Variants in HECW2 observed in about 807,000 individuals in gnomAD.
HECW2 encodes the protein HECT, C2 and WW domain containing E3 ubiquitin protein ligase 2.
Under a neutral mutation model 175.2 loss-of-function variants are expected in HECW2, and 61 were observed. The ratio of observed to expected loss-of-function variants is 0.35; its 90% CI spans 0.28 to 0.43. HECW2 has a LOEUF of 0.43. Among genes scored for constraint, HECW2 ranks in the 20% least tolerant of loss-of-function variants. HECW2 has a pLI of 1.00. For synonymous variants in HECW2, 671 were observed against 731.0 expected (o/e 0.92, Z 1.32); for missense variants, 1,524 against 2,000.5 (o/e 0.76, Z 4.54).
chr2:196,519,523 T>C (rs1688270283), intron 1 of HECW2, among the ~76,000 whole-genome samples: 1 of 152,170 alleles, frequency 6.6e-6, no homozygotes, highest in South Asian at 2.1e-4. Flanking sequence ...ACTGCTTAAA[T>C]AAAAGTAATG....
At chr2:196,515,489 G>A (rs1426487436) in intron 1 of HECW2, among the ~76,000 whole-genome samples, 1 of 152,138 alleles carries the variant, frequency 6.6e-6, no homozygotes, top group Admixed American at 6.5e-5. Flanking sequence ...TTGGCTTGGC[G>A]AGCACATCAC....
chr2:196,292,236 T>C (rs1169423824), intron 14 of HECW2: 1 of 213,122 alleles, frequency 4.7e-6, no homozygotes, highest in Non-Finnish European at 9.3e-6. Context: ...ACACAAGCTG[T>C]ATCACTAGGG....
chr2:196,255,940 G>A (rs920770162), intron 18 of HECW2, among the ~76,000 whole-genome samples: 2 of 152,064 alleles, frequency 1.3e-5, no homozygotes, highest in Non-Finnish European at 2.9e-5. Flanking sequence ...GGGCGTGGTG[G>A]CTTGCACCTG....
At chr2:196,248,708 T>A (rs1268145740) in intron 19 of HECW2, among the ~76,000 whole-genome samples, 1 of 132,540 alleles carries the variant, frequency 7.5e-6, no homozygotes, top group East Asian at 2.3e-4. Flanking sequence ...AGGAACTGTT[T>A]GTGAAAAGAG....
intron 1 of HECW2, among the ~76,000 whole-genome samples, chr2:196,556,913 G>C (rs1000203196): frequency 6.6e-6 from 1 of 152,168 alleles, no homozygotes; most frequent in African/African-American, 2.4e-5. Flanking sequence ...TCCTGATTAA[G>C]AGTTGATAGC....
At chr2:196,329,898 A>G (rs1417704654) in intron 4 of HECW2, among the ~76,000 whole-genome samples, 2 of 152,212 alleles carry the variant, frequency 1.3e-5, no homozygotes, top group African/African-American at 4.8e-5. Flanking sequence ...TATGAATCAA[A>G]CTATGTCTTT....
chr2:196,285,027 C>T (rs552401932), intron 14 of HECW2, among the ~76,000 whole-genome samples: 33 of 152,280 alleles, frequency 2.2e-4, no homozygotes, highest in Admixed American at 1.8e-3. Flanking sequence ...TACACAAACT[C>T]GAATCTCATT....
At chr2:196,286,281 G>C (rs1051221663) in intron 14 of HECW2, among the ~76,000 whole-genome samples, 13 of 152,132 alleles carry the variant, frequency 8.5e-5, no homozygotes, top group African/African-American at 3.1e-4. Flanking sequence ...CTGTGGAAGA[G>C]TGGGAATAAA....
intron 2 of HECW2, among the ~76,000 whole-genome samples, chr2:196,356,995 C>T (rs565092512): frequency 1.1e-4 from 16 of 152,252 alleles, no homozygotes; most frequent in African/African-American, 3.6e-4. Context: ...CAACACTACA[C>T]CTTACTGTCT....
At chr2:196,572,130 G>C (rs2125515675) in intron 1 of HECW2, among the ~76,000 whole-genome samples, 1 of 152,174 alleles carries the variant, frequency 6.6e-6, no homozygotes, top group East Asian at 1.9e-4. Context: ...GCCAAGGACT[G>C]ATGGAAGAGG....
At chr2:196,306,295 T>C (rs1182681852) in intron 13 of HECW2, among the ~76,000 whole-genome samples, 193 bp downstream of exon 13, 1 of 152,214 alleles carries the variant, frequency 6.6e-6, no homozygotes, top group Admixed American at 6.5e-5. Flanking sequence ...TGCTTTGTTA[T>C]AGCAGCCCAA....
At chr2:196,489,281 G>A (rs1446560837) in intron 1 of HECW2, among the ~76,000 whole-genome samples, 1 of 152,114 alleles carries the variant, frequency 6.6e-6, no homozygotes, top group Non-Finnish European at 1.5e-5. Context: ...GTTTTTCAAG[G>A]ACTGAAAGAG....
chr2:196,494,796 G>A (rs899134063), intron 1 of HECW2, among the ~76,000 whole-genome samples: 1 of 152,186 alleles, frequency 6.6e-6, no homozygotes, highest in African/African-American at 2.4e-5. Context: ...TTTATTGCCA[G>A]CTTCCCAGAC....
chr2:196,269,802 G>A (rs1165933802), intron 17 of HECW2, among the ~76,000 whole-genome samples: 1 of 152,158 alleles, frequency 6.6e-6, no homozygotes, highest in Non-Finnish European at 1.5e-5. Context: ...CATGACTCAT[G>A]ATCAAAATAG....
intron 1 of HECW2, among the ~76,000 whole-genome samples, chr2:196,451,259 C>A (rs1482738658): frequency 3.3e-5 from 5 of 151,720 alleles, no homozygotes; most frequent in African/African-American, 1.2e-4. Flanking sequence ...CATGGTGAAA[C>A]CCCGTCTCTA....
At chr2:196,544,626 AAAT>A (rs1163099220) in intron 1 of HECW2, among the ~76,000 whole-genome samples, 1 of 152,216 alleles carries the variant, frequency 6.6e-6, no homozygotes, top group African/African-American at 2.4e-5. Flanking sequence ...GGAATGGGAT[AAAT>A]AATGGTGCTA....
At chr2:196,292,345 A>G in intron 14 of HECW2, 1 of 466,742 alleles carries the variant, frequency 2.1e-6, no homozygotes, top group Non-Finnish European at 3.8e-6. Flanking sequence ...ATGCTTTGCC[A>G]GCGTCACAGC....
At chr2:196,373,096 C>T (rs928334863) in intron 2 of HECW2, among the ~76,000 whole-genome samples, 1 of 152,188 alleles carries the variant, frequency 6.6e-6, no homozygotes, top group Non-Finnish European at 1.5e-5. Context: ...AAGGAAGACT[C>T]TAAATCACTG....
chr2:196,470,441 T>C (rs538737438), intron 1 of HECW2, among the ~76,000 whole-genome samples: 6 of 152,248 alleles, frequency 3.9e-5, no homozygotes, highest in Non-Finnish European at 8.8e-5. Flanking sequence ...TATTGCTTTA[T>C]GCATATTAGT....
Sources: gnomAD v4.1 joint callset for allele counts (sites outside exome capture counted in the v4.1 genomes callset) on GRCh38, gnomAD v4.1.1 for gene constraint, MANE v1.5 for transcripts, NCBI Gene and HGNC (gene_info 2026-07-23, HGNC 2026-07-21) for gene names.